The following LRMDA variants were observed in gnomAD, a reference collection of about 807,000 sequenced individuals.
LRMDA encodes the protein leucine-rich melanocyte differentiation-associated protein.
Under a neutral mutation model 29.8 loss-of-function variants are expected in LRMDA, and 18 were observed. The ratio of observed to expected loss-of-function variants is 0.60; its 90% CI spans 0.42 to 0.90. The LOEUF is 0.90. Ranked by LOEUF, LRMDA falls within the 40% of genes least tolerant of loss-of-function variation. LRMDA has a pLI of 0.00. For missense variants in LRMDA, 273 were observed against 273.9 expected (o/e 1.00, Z 0.02); for synonymous variants, 125 against 109.4 (o/e 1.14, Z -0.89).
chr10:75,942,843 G>A (rs1246858038), intron 2 of LRMDA, among the ~76,000 whole-genome samples: 1 of 152,142 alleles, frequency 6.6e-6, no homozygotes, highest in African/African-American at 2.4e-5. Context: ...TGCTCTCTCT[G>A]TAACTATGTG....
At chr10:75,595,482 TTC>T (rs1354702383) in intron 2 of LRMDA, among the ~76,000 whole-genome samples, 3 of 151,518 alleles carry the variant, frequency 2.0e-5, no homozygotes, top group Non-Finnish European at 4.4e-5. Flanking sequence ...GGCCAGAGTC[TTC>T]TCTCTCTTTA....
chr10:75,955,176 A>C (rs1846643763), intron 2 of LRMDA, among the ~76,000 whole-genome samples: 1 of 152,196 alleles, frequency 6.6e-6, no homozygotes, highest in African/African-American at 2.4e-5. Flanking sequence ...TACTTGGAAA[A>C]GTGGAGACTG....
intron 6 of LRMDA, among the ~76,000 whole-genome samples, chr10:76,374,611 T>C (rs1344237567): frequency 1.3e-5 from 2 of 152,188 alleles, no homozygotes; most frequent in African/African-American, 2.4e-5. Context: ...TGAATTATCT[T>C]GAGTATACGA....
At chr10:75,790,284 G>A (rs1843543288) in intron 2 of LRMDA, among the ~76,000 whole-genome samples, 1 of 152,138 alleles carries the variant, frequency 6.6e-6, no homozygotes, top group South Asian at 2.1e-4. Flanking sequence ...CTTGCTAAAT[G>A]TCTCTGGGTG....
chr10:75,483,263 A>G (rs1844872995), intron 2 of LRMDA, among the ~76,000 whole-genome samples: 1 of 152,172 alleles, frequency 6.6e-6, no homozygotes, highest in Non-Finnish European at 1.5e-5. Flanking sequence ...TTCTTTATAT[A>G]GATTGCTGTG....
rs555992666 is a variant in LRMDA, at chr10:76,482,773, T to G, written c.602-74436T>G. ...GATGTTGCCAGATAGTTTTTTAAAG[T>G]GGTTGTACCAGCTCACATTATTCAG... On this transcript the variant is annotated intron_variant, in intron 6 of 6. Transcript: ENST00000611255. 1.5e-4 allele frequency among the ~76,000 whole-genome samples: 23 copies of G among 152,112 alleles called. No homozygotes were observed. The South Asian group carries it at 4.8e-3, about 31-fold the overall frequency.
intron 6 of LRMDA, among the ~76,000 whole-genome samples, chr10:76,547,630 G>A (rs1843437284): frequency 6.6e-6 from 1 of 152,136 alleles, no homozygotes; most frequent in African/African-American, 2.4e-5. Flanking sequence ...AATGGAGGAG[G>A]TGGTGACGGG....
At chr10:76,547,660 C>T (rs1477782101) in intron 6 of LRMDA, among the ~76,000 whole-genome samples, 1 of 151,814 alleles carries the variant, frequency 6.6e-6, no homozygotes, top group Non-Finnish European at 1.5e-5. Flanking sequence ...TCCTTTCTTT[C>T]TTTTTTCTCT....
intron 3 of LRMDA, among the ~76,000 whole-genome samples, chr10:76,045,170 C>T (rs767670389): frequency 6.0e-5 from 9 of 150,068 alleles, no homozygotes; most frequent in Non-Finnish European, 8.9e-5. Context: ...TTGCTAGTTT[C>T]GCCCTCTGGT....
intron 2 of LRMDA, among the ~76,000 whole-genome samples, chr10:75,558,683 C>T (rs577887766): frequency 6.7e-6 from 1 of 148,492 alleles, no homozygotes; most frequent in South Asian, 2.3e-4. Flanking sequence ...CCTCCCCACT[C>T]CCCCCACCCC....
At chr10:75,930,969 G>C (rs1846196008) in intron 2 of LRMDA, among the ~76,000 whole-genome samples, 1 of 152,142 alleles carries the variant, frequency 6.6e-6, no homozygotes, top group Non-Finnish European at 1.5e-5. Flanking sequence ...TTCTACCAGG[G>C]ACAGATAGAC....
rs146728131 is a variant in LRMDA at position 75,951,006 on chromosome 10, CCA to C, written c.132-84999_132-84998del. On this transcript the variant is annotated intron_variant, in intron 2 of 6. Coordinates refer to ENST00000611255, the MANE Select transcript of LRMDA (RefSeq NM_001305581.2). Reference sequence around the variant, plus strand: ...TGCCCAAGGCAGACATCACTGGTGGCCACAGTGTTCACTCTCAGTGAGGCCCA... The same window carrying C: ...TGCCCAAGGCAGACATCACTGGTGGCCAGTGTTCACTCTCAGTGAGGCCCA... 5.6e-3 allele frequency among the ~76,000 whole-genome samples: 850 copies of C among 152,272 alleles called. 36 individuals are homozygous for C. The East Asian group carries it at 0.13, about 23-fold the overall frequency.
intron 5 of LRMDA, among the ~76,000 whole-genome samples, chr10:76,268,863 C>T (rs1406289353): frequency 6.6e-6 from 1 of 152,046 alleles, no homozygotes; most frequent in Non-Finnish European, 1.5e-5. Context: ...TTTCTCTGAG[C>T]GTGTTTAGTG....
intron 5 of LRMDA, among the ~76,000 whole-genome samples, chr10:76,187,143 C>A (rs899715154): frequency 6.6e-6 from 1 of 152,108 alleles, no homozygotes; most frequent in Admixed American, 6.5e-5. Flanking sequence ...AAGTTATATA[C>A]CACACGATGC....
At chr10:76,464,106 A>T (rs776552200) in intron 6 of LRMDA, among the ~76,000 whole-genome samples, 13 of 151,630 alleles carry the variant, frequency 8.6e-5, no homozygotes, top group Non-Finnish European at 1.6e-4. Context: ...TTTAGTAGAG[A>T]CAGGGTTTCT....
At chr10:75,561,962 A>C (rs376100069) in intron 2 of LRMDA, among the ~76,000 whole-genome samples, 2,212 of 152,044 alleles carry the variant, frequency 0.015, 30 homozygotes, top group South Asian at 0.023. Context: ...TATGTGTTCA[A>C]TTTTGGAATA....
At chr10:76,238,348 A>G (rs1852199779) in intron 5 of LRMDA, among the ~76,000 whole-genome samples, 1 of 152,150 alleles carries the variant, frequency 6.6e-6, no homozygotes, top group African/African-American at 2.4e-5. Context: ...AAAGACTTTT[A>G]GCAAGATGGC....
At chr10:75,628,163 C>T (rs1047714889) in intron 2 of LRMDA, among the ~76,000 whole-genome samples, 7 of 152,114 alleles carry the variant, frequency 4.6e-5, no homozygotes, top group Non-Finnish European at 1.0e-4. Context: ...ATGTATCTTT[C>T]CAATCTTTTT....
At chr10:75,498,548 C>A (rs1480456732) in intron 2 of LRMDA, among the ~76,000 whole-genome samples, 2 of 152,186 alleles carry the variant, frequency 1.3e-5, no homozygotes, top group African/African-American at 2.4e-5. Context: ...TGGAACCTTG[C>A]ATCCAGCCCT....
Sources: gnomAD v4.1 joint callset for allele counts (sites outside exome capture counted in the v4.1 genomes callset) on GRCh38, gnomAD v4.1.1 for gene constraint, MANE v1.5 for transcripts, NCBI Gene and HGNC (gene_info 2026-07-23, HGNC 2026-07-21) for gene names.